MAPDA: variants seen among roughly 807,000 people sequenced by gnomAD.
The protein encoded by MAPDA is N6-Methyl-AMP deaminase.
chr15:43,339,643 CATCCTTCAGGAA>C, the MAPDA span, among the ~76,000 whole-genome samples: 2 of 152,186 alleles, frequency 1.3e-5, no homozygotes, highest in Admixed American at 1.3e-4. Flanking sequence ...AAAGGAAAAA[CATCCTTCAGGAA>C]ATCCTTCAGG....
chr15:43,350,566 C>T, the MAPDA span, among the ~76,000 whole-genome samples: 3 of 152,164 alleles, frequency 2.0e-5, no homozygotes, highest in Non-Finnish European at 4.4e-5. Flanking sequence ...TGGCTTCCAC[C>T]ATTAGACCAG....
At chr15:43,330,358 G>T in the MAPDA span, 9 of 1,600,332 alleles carry the variant, frequency 5.6e-6, no homozygotes, top group Non-Finnish European at 7.6e-6. Context: ...GGCGCGCCGC[G>T]CCCGGAACCA....
the MAPDA span, chr15:43,349,084 G>C: frequency 1.2e-6 from 2 of 1,613,648 alleles, no homozygotes. Context: ...ATGACTCTCT[G>C]TCTCTCCCCC....
At chr15:43,351,941 T>C in the MAPDA span, 2 of 1,550,226 alleles carry the variant, frequency 1.3e-6, no homozygotes, top group Non-Finnish European at 1.7e-6. Flanking sequence ...GTGTTACATA[T>C]TTAAGCTATA....
At chr15:43,346,635 C>T in the MAPDA span, among the ~76,000 whole-genome samples, 1 of 152,202 alleles carries the variant, frequency 6.6e-6, no homozygotes, top group Non-Finnish European at 1.5e-5. Flanking sequence ...GTATTCTGCC[C>T]TTCTTTTTAT....
chr15:43,337,862 T>C, the MAPDA span, among the ~76,000 whole-genome samples: 1 of 152,168 alleles, frequency 6.6e-6, no homozygotes, highest in African/African-American at 2.4e-5. Flanking sequence ...CCCTGAGAAA[T>C]TTATAATTAG....
chr15:43,335,363 C>G, the MAPDA span, among the ~76,000 whole-genome samples: 3 of 152,078 alleles, frequency 2.0e-5, no homozygotes, highest in Non-Finnish European at 4.4e-5. Flanking sequence ...TGGCAAAACC[C>G]CATCTCTACT....
At chr15:43,334,661 A>ATATATATATATATATATATATATT in the MAPDA span, among the ~76,000 whole-genome samples, 19 of 117,102 alleles carry the variant, frequency 1.6e-4, no homozygotes, top group Non-Finnish European at 8.8e-5. Context: ...ATATATATAT[A>ATATATATATATATATATATATATT]TATTTTATCC....
the MAPDA span, chr15:43,351,974 A>G: frequency 1.5e-5 from 23 of 1,532,814 alleles, no homozygotes; most frequent in Non-Finnish European, 1.6e-5. Flanking sequence ...ACTTCTGAGT[A>G]TGTGTTTCAA....
chr15:43,335,840 G>A, the MAPDA span: 19 of 1,601,776 alleles, frequency 1.2e-5, no homozygotes, highest in Non-Finnish European at 1.4e-5. Flanking sequence ...AGTGTGGGGA[G>A]GTTGTGGACA....
chr15:43,332,610 A>G, the MAPDA span, among the ~76,000 whole-genome samples: 4 of 152,206 alleles, frequency 2.6e-5, no homozygotes, highest in African/African-American at 9.6e-5. Context: ...TTTAAATCTC[A>G]GTTTATTCTT....
chr15:43,342,138 T>C, the MAPDA span, among the ~76,000 whole-genome samples: 1 of 152,034 alleles, frequency 6.6e-6, no homozygotes, highest in Non-Finnish European at 1.5e-5. Context: ...CACACCCTAT[T>C]TTTATTTTTA....
the MAPDA span, among the ~76,000 whole-genome samples, chr15:43,331,389 T>C: frequency 2.6e-5 from 4 of 152,244 alleles, no homozygotes; most frequent in African/African-American, 7.2e-5. Flanking sequence ...ATTGGGTGTC[T>C]GGGAGTCATC....
chr15:43,333,231 G>A, the MAPDA span: 1 of 152,010 alleles, frequency 6.6e-6, no homozygotes, highest in African/African-American at 2.4e-5. Flanking sequence ...GCAACATGGT[G>A]AGACCCCGTC....
the MAPDA span, chr15:43,354,497 G>C: frequency 1.3e-5 from 2 of 152,130 alleles, no homozygotes; most frequent in Non-Finnish European, 2.9e-5. Flanking sequence ...TGAAAATATG[G>C]TTATAAAGTT....
At chr15:43,339,855 C>CCTAA in the MAPDA span, among the ~76,000 whole-genome samples, 1 of 152,192 alleles carries the variant, frequency 6.6e-6, no homozygotes, top group Non-Finnish European at 1.5e-5. Context: ...ATCAGTAATA[C>CCTAA]CTAATCATTT....
the MAPDA span, among the ~76,000 whole-genome samples, chr15:43,339,508 T>TTG: frequency 6.6e-6 from 1 of 152,126 alleles, no homozygotes; most frequent in Non-Finnish European, 1.5e-5. Context: ...ACTCACATGC[T>TTG]TGTGTGTGTG....
the MAPDA span, chr15:43,345,815 G>A: frequency 6.2e-7 from 1 of 1,612,574 alleles, no homozygotes; most frequent in Non-Finnish European, 8.5e-7. Flanking sequence ...TTTCATCTGT[G>A]TCATATTAGT....
the MAPDA span, chr15:43,336,552 T>G: frequency 8.2e-7 from 1 of 1,216,224 alleles, no homozygotes; most frequent in Non-Finnish European, 1.1e-6. Context: ...ACTATTAGCC[T>G]AAAATTTAAT....
Sources: gnomAD v4.1 joint callset for allele counts (sites outside exome capture counted in the v4.1 genomes callset) on GRCh38, gnomAD v4.1.1 for gene constraint, MANE v1.5 for transcripts, NCBI Gene and HGNC (gene_info 2026-07-23, HGNC 2026-07-21) for gene names.